HPSE2: variants seen among roughly 807,000 people sequenced by gnomAD.
HPSE2 encodes the protein inactive heparanase-2.
In HPSE2, 38 loss-of-function variants were observed where a neutral mutation model predicts 60.5. The ratio of observed to expected loss-of-function variants is 0.63; its 90% CI spans 0.48 to 0.82. HPSE2 has a LOEUF of 0.82. HPSE2 is among the 40% of genes least tolerant of loss of function. HPSE2 has a pLI of 0.00. For synonymous variants in HPSE2, 295 were observed against 293.2 expected, an observed-to-expected ratio of 1.01 and a Z score of -0.06; for missense variants, 713 against 740.4, an observed-to-expected ratio of 0.96 and a Z score of 0.43.
chr10:98,902,899 G>A (rs183040479), intron 3 of HPSE2, among the ~76,000 whole-genome samples: 9 of 152,120 alleles, frequency 5.9e-5, no homozygotes, highest in Admixed American at 4.6e-4. Flanking sequence ...TAAACCAGGT[G>A]AGATGACAAT....
At chr10:99,240,766 C>G (rs1190384611), upstream of HPSE2, among the ~76,000 whole-genome samples, 1 of 152,166 alleles carries the variant, frequency 6.6e-6, no homozygotes, top group Non-Finnish European at 1.5e-5. Flanking sequence ...CAGCCTGTCA[C>G]AAACTCATTA....
At chr10:98,669,768 T>G (rs1204269315) in intron 6 of HPSE2, among the ~76,000 whole-genome samples, 7 of 152,106 alleles carry the variant, frequency 4.6e-5, no homozygotes, top group Admixed American at 4.6e-4. Context: ...TGAAAAACCA[T>G]CTGTTGGGTA....
chr10:99,211,283 T>C (rs535758389), intron 2 of HPSE2, among the ~76,000 whole-genome samples: 11 of 152,156 alleles, frequency 7.2e-5, no homozygotes, highest in Non-Finnish European at 1.3e-4. Context: ...GAAATATCCA[T>C]ACTATCCAAA....
At position 98,826,205 on chromosome 10, in the gene HPSE2, A is replaced by C. The variant is rs142917371; in HGVS notation, c.611-82149T>G. ...ATTCCAAGTATTTAGAATGGTGCCA[A>C]GTACATAGCAGATGCTCAATAAATA... On this transcript the variant is annotated intron_variant, in intron 3 of 11. Transcript: ENST00000370552. Among the ~76,000 whole-genome samples the C allele has an allele frequency of 2.7e-3, 404 of 152,336 alleles. 3 individuals are homozygous for C. Among genetic ancestry groups the C allele is most frequent in the African/African-American group, 8.6e-3 (358 of 41,574 alleles).
intron 3 of HPSE2, among the ~76,000 whole-genome samples, chr10:98,994,469 C>T (rs181400699): frequency 6.6e-6 from 1 of 151,928 alleles, no homozygotes; most frequent in African/African-American, 2.4e-5. Context: ...GAGAATGGGA[C>T]CCTTCCCAAA....
At chr10:99,011,537 C>T (rs7919734) in intron 3 of HPSE2, among the ~76,000 whole-genome samples, 15,488 of 151,832 alleles carry the variant, frequency 0.1, 853 homozygotes, top group South Asian at 0.19. Flanking sequence ...GCAGGCAGAT[C>T]ACGACGTCAA....
intron 3 of HPSE2, among the ~76,000 whole-genome samples, chr10:98,955,887 A>C (rs1216643075): frequency 6.6e-6 from 1 of 152,156 alleles, no homozygotes. Flanking sequence ...GTTCTCACTT[A>C]TAAGTGGGAG....
At chr10:98,802,751 T>C (rs1417061258) in intron 3 of HPSE2, among the ~76,000 whole-genome samples, 1 of 146,414 alleles carries the variant, frequency 6.8e-6, no homozygotes, top group African/African-American at 2.5e-5. Flanking sequence ...TCCAAGTCTT[T>C]GCTATTGTGA....
intron 3 of HPSE2, among the ~76,000 whole-genome samples, chr10:99,095,531 G>T (rs760125311): frequency 6.6e-6 from 1 of 152,062 alleles, no homozygotes; most frequent in Non-Finnish European, 1.5e-5. Context: ...AAAAAGAAAC[G>T]CTATTAGCAG....
At position 98,620,598 on chromosome 10, in the gene HPSE2, T is replaced by C. The variant is rs2133986082; in HGVS notation, c.1205+4A>G. ...CTGGGGGTGAACTTGCAGGTGTTAC[T>C]CACAAGAATCCTGCAGCATAGGAAT... On this transcript the variant is annotated splice_donor_region_variant and intron_variant, in intron 8 of 11. Transcript: ENST00000370552. 2 of 1,610,468 alleles carry C rather than the reference T, an allele frequency of 1.2e-6. No individual in the cohort carries two copies. Among genetic ancestry groups the C allele is most frequent in the Non-Finnish European group, 1.7e-6 (2 of 1,176,738 alleles).
intron 3 of HPSE2, among the ~76,000 whole-genome samples, chr10:99,039,752 G>A (rs1022728691): frequency 2.0e-5 from 3 of 151,950 alleles, no homozygotes; most frequent in Admixed American, 1.3e-4. Flanking sequence ...GCACAAGGAA[G>A]GGGAACAAGT....
At chr10:98,998,521 T>C (rs1172842749) in intron 3 of HPSE2, among the ~76,000 whole-genome samples, 1 of 152,180 alleles carries the variant, frequency 6.6e-6, no homozygotes, top group African/African-American at 2.4e-5. Context: ...TAAATAATCA[T>C]CACACCTTGG....
rs2133999617 is a variant in HPSE2, at chr10:98,626,378, C to T, written c.1099-5670G>A. Among the ~76,000 whole-genome samples the T allele has an allele frequency of 1.3e-5, 2 of 152,240 alleles. 1 individual carries two copies. The highest frequency in any genetic ancestry group is 4.1e-4 in the South Asian group (2 of 4,826). ...GTAGACTTTACAAATTTTTATTTTA[C>T]AATAATTTTTATTCATTCATTCATT... On this transcript the variant is annotated intron_variant, in intron 7 of 11. Coordinates refer to ENST00000370552, the MANE Select transcript of HPSE2 (RefSeq NM_021828.5).
At chr10:98,547,560 A>C (rs1185501413) in intron 9 of HPSE2, among the ~76,000 whole-genome samples, 4 of 146,784 alleles carry the variant, frequency 2.7e-5, no homozygotes, top group Non-Finnish European at 4.5e-5. Context: ...CAAGGACAAA[A>C]AACCAAACAC....
chr10:98,664,659 G>A (rs755285202), intron 6 of HPSE2, among the ~76,000 whole-genome samples: 17 of 152,164 alleles, frequency 1.1e-4, no homozygotes, highest in Admixed American at 2.0e-4. Context: ...CTACTGGATG[G>A]TAATCCAAAT....
chr10:98,944,422 C>T (rs1196315067), intron 3 of HPSE2, among the ~76,000 whole-genome samples: 2 of 152,076 alleles, frequency 1.3e-5, no homozygotes, highest in Non-Finnish European at 2.9e-5. Context: ...TAAATTCTAC[C>T]ATTAGAATAT....
chr10:98,827,142 C>A (rs752662450), intron 3 of HPSE2, among the ~76,000 whole-genome samples: 1 of 134,724 alleles, frequency 7.4e-6, no homozygotes, highest in Admixed American at 7.6e-5. Context: ...CAGAGCAAGA[C>A]CCTGTCTCTA....
At chr10:99,094,536 ATATATTTTTTTTTTTTTTTTTTTT>A (rs1843642348) in intron 3 of HPSE2, among the ~76,000 whole-genome samples, 1 of 20,478 alleles carries the variant, frequency 4.9e-5, no homozygotes, top group African/African-American at 1.4e-4. Flanking sequence ...ATATATATAT[ATATATTTTTTTTTTTTTTTTTTTT>A]TTTTTTTTTT....
chr10:99,299,671 G>A, the HPSE2 span, among the ~76,000 whole-genome samples: 4 of 152,158 alleles, frequency 2.6e-5, no homozygotes, highest in Non-Finnish European at 5.9e-5. Context: ...GATTACCAGA[G>A]AGGACCTCAA....
Sources: allele counts gnomAD v4.1 joint callset (sites outside exome capture counted in the v4.1 genomes callset), GRCh38; gene constraint gnomAD v4.1.1; transcripts MANE v1.5; gene names NCBI Gene and HGNC (gene_info 2026-07-23, HGNC 2026-07-21).